The following RBPJ variants were observed in gnomAD, a reference collection of about 807,000 sequenced individuals.
RBPJ encodes the protein recombination signal binding protein for immunoglobulin kappa J region.
In RBPJ, 9 loss-of-function variants were observed where a neutral mutation model predicts 67.8. The ratio of observed to expected loss-of-function variants is 0.13; its 90% CI spans 0.08 to 0.23. The LOEUF (loss-of-function observed/expected upper bound fraction) is 0.23. Among genes scored for constraint, RBPJ ranks in the 10% least tolerant of loss-of-function variants. RBPJ has a pLI of 1.00. For synonymous variants in RBPJ, 198 were observed against 203.3 expected (o/e 0.97, Z 0.22); for missense variants, 305 against 595.6 (o/e 0.51, Z 5.08).
At chr4:26,149,814 A>G in the RBPJ span, among the ~76,000 whole-genome samples, 4 of 152,202 alleles carry the variant, frequency 2.6e-5, no homozygotes, top group South Asian at 6.2e-4. Context: ...AGACTAAGAC[A>G]TATGTCTTTG....
chr4:26,407,566 T>C (rs1007144469), intron 3 of RBPJ, among the ~76,000 whole-genome samples: 1 of 152,198 alleles, frequency 6.6e-6, no homozygotes, highest in African/African-American at 2.4e-5. Flanking sequence ...CTTGAGTCTG[T>C]CTTTCAAACA....
intron 1 of RBPJ, among the ~76,000 whole-genome samples, chr4:26,255,897 A>T (rs1167017370): frequency 1.6e-5 from 2 of 128,338 alleles, no homozygotes; most frequent in Non-Finnish European, 3.2e-5. Flanking sequence ...GCAAGTACTG[A>T]ATCCCTTTGG....
Position 26,191,249 on chromosome 4 carries a change from AGAGAGAGG to A in RBPJ, c.-167+27651_-167+27658del, listed in dbSNP as rs1166579507. Among the ~76,000 whole-genome samples, 286 of 129,126 alleles carry A rather than the reference AGAGAGAGG, an allele frequency of 2.2e-3. 4 individuals carry two copies. The highest frequency in any genetic ancestry group is 8.0e-3 in the African/African-American group (259 of 32,486). 84.7% of individuals were successfully genotyped at this position (129,126 alleles called of 152,430 possible). A position where few individuals can be genotyped will look rare whatever the true frequency, so the allele number is the denominator to read the frequency against. On this transcript the variant is annotated intron_variant, in intron 1 of 4. Transcript: ENST00000512351. ...GAGAGAGAGAGAGAGAGATAGAGAG[AGAGAGAGG>A]GAGAGAGGGAGAGAGAGATCGTATC...
At chr4:26,336,970 T>C (rs13135696) in intron 1 of RBPJ, among the ~76,000 whole-genome samples, 69,302 of 151,814 alleles carry the variant, frequency 0.46, 16,805 homozygotes, top group Admixed American at 0.54. Context: ...TGTTTAGCGT[T>C]TTTTGTTTGT....
chr4:26,125,265 T>A, the RBPJ span, among the ~76,000 whole-genome samples: 1 of 152,204 alleles, frequency 6.6e-6, no homozygotes, highest in Admixed American at 6.5e-5. Flanking sequence ...GAGCCCCTCA[T>A]GGGGCACCCT....
chr4:26,310,733 G>A (rs967422448), intron 1 of RBPJ, among the ~76,000 whole-genome samples: 1 of 146,388 alleles, frequency 6.8e-6, no homozygotes, highest in Non-Finnish European at 1.5e-5. Context: ...GCAATGGCAC[G>A]ATCTTGGCTC....
At chr4:26,390,314 C>A (rs1410341758) in intron 2 of RBPJ, among the ~76,000 whole-genome samples, 7 of 152,158 alleles carry the variant, frequency 4.6e-5, no homozygotes, top group Non-Finnish European at 1.0e-4. Flanking sequence ...TGGTGAAACA[C>A]TGGATGTTTT....
At chr4:26,165,823 A>G (rs907592539) in intron 1 of RBPJ, among the ~76,000 whole-genome samples, 10 of 149,948 alleles carry the variant, frequency 6.7e-5, no homozygotes, top group South Asian at 2.1e-4. Context: ...CCATTAACTC[A>G]TCATTTAGCA....
chr4:26,210,811 T>TTTC, intron 1 of RBPJ, among the ~76,000 whole-genome samples: 1 of 89,602 alleles, frequency 1.1e-5, no homozygotes, highest in East Asian at 4.2e-4. Flanking sequence ...TTCTTTCTTT[T>TTTC]CTCCTGTGTG....
intron 2 of RBPJ, among the ~76,000 whole-genome samples, chr4:26,388,026 A>C (rs747021642): frequency 9.9e-5 from 15 of 152,240 alleles, no homozygotes; most frequent in African/African-American, 1.4e-4. Flanking sequence ...ACTCCCTCAG[A>C]AAGGCAAAAT....
intron 1 of RBPJ, among the ~76,000 whole-genome samples, chr4:26,182,730 C>T (rs1471209928): frequency 6.6e-6 from 1 of 152,028 alleles, no homozygotes; most frequent in East Asian, 1.9e-4. Context: ...AACTCCTCAG[C>T]TCAAACGATC....
intron 1 of RBPJ, among the ~76,000 whole-genome samples, chr4:26,175,397 G>T (rs960350100): frequency 1.2e-4 from 19 of 152,066 alleles, no homozygotes; most frequent in Non-Finnish European, 2.8e-4. Context: ...ATTTGAGTCT[G>T]GGGGAGGCAG....
intron 1 of RBPJ, among the ~76,000 whole-genome samples, chr4:26,341,459 C>A (rs1298948623): frequency 6.6e-6 from 1 of 151,902 alleles, no homozygotes; most frequent in Non-Finnish European, 1.5e-5. Flanking sequence ...ACTAAAAATA[C>A]AAAAATTAGC....
intron 1 of RBPJ, among the ~76,000 whole-genome samples, chr4:26,231,276 C>G (rs983686303): frequency 6.6e-6 from 1 of 152,220 alleles, no homozygotes; most frequent in Non-Finnish European, 1.5e-5. Flanking sequence ...TTAGCTTGAA[C>G]TGCTATCTGC....
At chr4:26,234,458 A>G (rs550799399) in intron 1 of RBPJ, among the ~76,000 whole-genome samples, 2 of 152,262 alleles carry the variant, frequency 1.3e-5, no homozygotes, top group African/African-American at 4.8e-5. Context: ...TAGTAATACT[A>G]AAATTTGTGG....
chr4:26,162,604 A>G (rs1373273171), upstream of RBPJ, among the ~76,000 whole-genome samples: 3 of 152,242 alleles, frequency 2.0e-5, no homozygotes, highest in Non-Finnish European at 4.4e-5. Flanking sequence ...AAGAGGTGGC[A>G]TATTATCCCC....
chr4:26,358,824 G>GC (rs1429145279), intron 1 of RBPJ, among the ~76,000 whole-genome samples: 2 of 151,840 alleles, frequency 1.3e-5, no homozygotes, highest in East Asian at 3.9e-4. Flanking sequence ...CAGGTTTGAG[G>GC]CAGTGGGTTC....
At chr4:26,215,408 G>GAGGAAGGAAGGGAGGGAAGA (rs1560214889) in intron 1 of RBPJ, among the ~76,000 whole-genome samples, 10 of 106,812 alleles carry the variant, frequency 9.4e-5, no homozygotes, top group African/African-American at 4.3e-4. Context: ...GAAGGGGGGG[G>GAGGAAGGAAGGGAGGGAAGA]AAGGAAGGAA....
chr4:26,282,134 CTCTT>C (rs1229832575), intron 1 of RBPJ, among the ~76,000 whole-genome samples: 358 of 126,536 alleles, frequency 2.8e-3, no homozygotes, highest in African/African-American at 0.01. Context: ...CTCTCTCTCT[CTCTT>C]TTTTTTTTTT....
Sources: gnomAD v4.1 joint callset for allele counts (sites outside exome capture counted in the v4.1 genomes callset) on GRCh38, gnomAD v4.1.1 for gene constraint, MANE v1.5 for transcripts, NCBI Gene and HGNC (gene_info 2026-07-23, HGNC 2026-07-21) for gene names.